The following LINGO2 variants were observed in gnomAD, a reference collection of about 807,000 sequenced individuals.
LINGO2 encodes leucine-rich repeat and immunoglobulin-like domain-containing nogo receptor-interacting protein 2.
A neutral mutation model predicts 30.6 loss-of-function variants in LINGO2; 14 were observed. That is an observed-to-expected ratio of 0.46 (90% confidence interval 0.30 to 0.72). LINGO2 has a LOEUF of 0.72. Among genes scored for constraint, LINGO2 ranks in the 30% least tolerant of loss-of-function variants. The probability of loss-of-function intolerance (pLI) is 0.07; values close to 1 mark genes in which losing one functional copy is unlikely to be tolerated. For missense variants in LINGO2, 729 were observed against 751.7 expected (o/e 0.97, Z 0.35); for synonymous variants, 317 against 288.5 (o/e 1.10, Z -1.00).
chr9:28,876,522 T>C, the LINGO2 span, among the ~76,000 whole-genome samples: 1 of 152,090 alleles, frequency 6.6e-6, no homozygotes, highest in Admixed American at 6.6e-5. Context: ...GTCCTTGCTA[T>C]ACTTTACTGA....
At chr9:28,235,347 T>C (rs553719259) in intron 4 of LINGO2, among the ~76,000 whole-genome samples, 30 of 152,274 alleles carry the variant, frequency 2.0e-4, no homozygotes, top group African/African-American at 7.2e-4. Flanking sequence ...TTTGAATACC[T>C]GGAAAGCCTC....
chr9:28,397,378 T>A (rs897872561), intron 2 of LINGO2, among the ~76,000 whole-genome samples: 1 of 145,882 alleles, frequency 6.9e-6, no homozygotes, highest in South Asian at 2.1e-4. Flanking sequence ...TATATACATA[T>A]ATATATATAC....
intron 2 of LINGO2, among the ~76,000 whole-genome samples, chr9:28,425,991 A>G (rs950025825): frequency 1.3e-5 from 2 of 152,062 alleles, no homozygotes; most frequent in African/African-American, 4.8e-5. Flanking sequence ...TTCATCTATA[A>G]CTATAATTTG....
At chr9:28,075,806 C>G (rs926922086) in intron 4 of LINGO2, among the ~76,000 whole-genome samples, 2 of 151,750 alleles carry the variant, frequency 1.3e-5, no homozygotes, top group African/African-American at 4.8e-5. Flanking sequence ...ATACTAATTC[C>G]TTTTTAATTT....
At chr9:28,797,355 T>C in the LINGO2 span, among the ~76,000 whole-genome samples, 13 of 59,296 alleles carry the variant, frequency 2.2e-4, no homozygotes, top group African/African-American at 8.3e-4. Context: ...TATATATATA[T>C]ATATAGAGAG....
At chr9:28,978,091 T>C in the LINGO2 span, among the ~76,000 whole-genome samples, 3 of 152,146 alleles carry the variant, frequency 2.0e-5, no homozygotes, top group Admixed American at 1.3e-4. Context: ...ATTTAGACTA[T>C]GGCAATGAAA....
chr9:28,306,675 C>A (rs1262188795), intron 3 of LINGO2, among the ~76,000 whole-genome samples: 4 of 152,110 alleles, frequency 2.6e-5, no homozygotes, highest in Admixed American at 2.6e-4. Flanking sequence ...AATTGATAGA[C>A]CGCTAGCAAG....
intron 1 of LINGO2, among the ~76,000 whole-genome samples, chr9:28,544,125 C>T (rs1397929146): frequency 3.3e-5 from 5 of 151,902 alleles, no homozygotes; most frequent in South Asian, 2.1e-4. Context: ...ATCATTTGAA[C>T]CCGGAAGGCA....
the LINGO2 span, among the ~76,000 whole-genome samples, chr9:29,189,217 G>C: frequency 6.7e-6 from 1 of 150,128 alleles, no homozygotes; most frequent in Non-Finnish European, 1.5e-5. Context: ...CAGTAGGGGC[G>C]GCCGGGCAGA....
chr9:29,003,966 T>A, the LINGO2 span, among the ~76,000 whole-genome samples: 1 of 152,038 alleles, frequency 6.6e-6, no homozygotes, highest in African/African-American at 2.4e-5. Context: ...AAATCTAAAT[T>A]GACTCTATTC....
intron 4 of LINGO2, among the ~76,000 whole-genome samples, chr9:28,097,099 G>A (rs112399645): frequency 0.093 from 14,143 of 151,848 alleles, 761 homozygotes; most frequent in African/African-American, 0.15. Context: ...CACCATCACT[G>A]GCCATCAGAG....
In LINGO2 at chr9:27,999,088, C is replaced by T. The variant is rs144576702; in HGVS notation, c.-36+13267G>A. Reference sequence around the variant, plus strand: ...TCAAGAGGCAAAAGATTTATAGACCCTAAACTAAAATAATACCTGGAAGAA... The same window carrying T: ...TCAAGAGGCAAAAGATTTATAGACCTTAAACTAAAATAATACCTGGAAGAA... On this transcript the variant is annotated intron_variant, in intron 5 of 5. Coordinates refer to ENST00000379992, the Ensembl canonical transcript of LINGO2. Among the ~76,000 whole-genome samples, 6 of 151,928 alleles carry T rather than the reference C, an allele frequency of 3.9e-5. 1 individual carries two copies. In the East Asian group the frequency reaches 1.2e-3, roughly 30 times the overall value.
At chr9:28,787,251 T>C in the LINGO2 span, among the ~76,000 whole-genome samples, 1 of 152,082 alleles carries the variant, frequency 6.6e-6, no homozygotes, top group Non-Finnish European at 1.5e-5. Flanking sequence ...TAATACAGTA[T>C]ATAAGGAGGA....
At chr9:28,746,639 C>T in the LINGO2 span, among the ~76,000 whole-genome samples, 2 of 151,800 alleles carry the variant, frequency 1.3e-5, no homozygotes, top group African/African-American at 2.4e-5. Flanking sequence ...GCTTTTATGT[C>T]TATAAAATAT....
the LINGO2 span, among the ~76,000 whole-genome samples, chr9:28,749,697 C>T: frequency 3.3e-5 from 5 of 151,838 alleles, no homozygotes; most frequent in African/African-American, 1.2e-4. Context: ...TCAAATATAC[C>T]GTGGAAGGTC....
the LINGO2 span, among the ~76,000 whole-genome samples, chr9:28,759,579 G>A: frequency 6.6e-6 from 1 of 152,010 alleles, no homozygotes; most frequent in South Asian, 2.1e-4. Context: ...CTACTCGGGA[G>A]GCTGAGGCAG....
chr9:28,099,744 G>A (rs1826355571), intron 4 of LINGO2, among the ~76,000 whole-genome samples: 1 of 152,114 alleles, frequency 6.6e-6, no homozygotes, highest in African/African-American at 2.4e-5. Context: ...GATTCACACT[G>A]ATAAAATGGC....
chr9:29,188,724 C>T, the LINGO2 span, among the ~76,000 whole-genome samples: 408 of 136,104 alleles, frequency 3.0e-3, 6 homozygotes, highest in African/African-American at 0.01. Context: ...ACCTCCCTCT[C>T]GGATGGGGCG....
At chr9:29,191,791 G>C in the LINGO2 span, among the ~76,000 whole-genome samples, 1 of 152,158 alleles carries the variant, frequency 6.6e-6, no homozygotes, top group African/African-American at 2.4e-5. Context: ...CTAGGTCCCA[G>C]GGATATAAAG....
Sources: allele counts gnomAD v4.1 joint callset (sites outside exome capture counted in the v4.1 genomes callset), GRCh38; gene constraint gnomAD v4.1.1; transcripts MANE v1.5; gene names NCBI Gene and HGNC (gene_info 2026-07-23, HGNC 2026-07-21).